PARD3: variants seen among roughly 807,000 people sequenced by gnomAD.
The protein encoded by PARD3 is par-3 family cell polarity regulator, also known as partitioning defective 3 homolog.
PARD3 carries 75 observed loss-of-function variants against 155.4 expected under a neutral mutation model. The ratio of observed to expected loss-of-function variants is 0.48; its 90% CI spans 0.40 to 0.58. PARD3 has a LOEUF of 0.58. Ranked by LOEUF, PARD3 falls within the 20% of genes least tolerant of loss-of-function variation. The pLI, the probability that PARD3 is intolerant of heterozygous loss-of-function variation, is 0.00. For missense variants in PARD3, 1,642 were observed against 1,721.7 expected (o/e 0.95, Z 0.82); for synonymous variants, 576 against 610.5 (o/e 0.94, Z 0.83).
chr10:34,701,278 C>A (rs2094271274), intron 1 of PARD3, among the ~76,000 whole-genome samples: 1 of 152,002 alleles, frequency 6.6e-6, no homozygotes, highest in African/African-American at 2.4e-5. Flanking sequence ...ATCAAAAAGA[C>A]ACACTTATTT....
intron 1 of PARD3, among the ~76,000 whole-genome samples, chr10:34,786,715 T>C (rs1005915617): frequency 2.0e-5 from 3 of 152,234 alleles, no homozygotes; most frequent in African/African-American, 2.4e-5. Flanking sequence ...TTAAGTACTC[T>C]GTAAAAAGCC....
intron 3 of PARD3, among the ~76,000 whole-genome samples, chr10:34,493,663 C>T (rs1056339511): frequency 1.2e-4 from 18 of 151,200 alleles, no homozygotes; most frequent in Admixed American, 6.6e-5. Flanking sequence ...ACCTGGGAGG[C>T]GGAGACTGCA....
intron 22 of PARD3, among the ~76,000 whole-genome samples, chr10:34,198,000 T>C (rs912572716): frequency 6.6e-6 from 1 of 152,202 alleles, no homozygotes; most frequent in Non-Finnish European, 1.5e-5. Context: ...CCTCCCAAAA[T>C]GCAGGCATGA....
intron 1 of PARD3, among the ~76,000 whole-genome samples, chr10:34,746,053 G>T (rs1268716188): frequency 4.6e-5 from 7 of 152,124 alleles, no homozygotes; most frequent in Non-Finnish European, 1.5e-5. Flanking sequence ...AGTGAGCCTA[G>T]ATCGCACCGC....
At chr10:34,132,800 G>C (rs954463104) in intron 22 of PARD3, among the ~76,000 whole-genome samples, 6 of 151,958 alleles carry the variant, frequency 3.9e-5, no homozygotes, top group Non-Finnish European at 2.9e-5. Context: ...TTGCCTTTTT[G>C]GCCCACCACG....
At chr10:34,457,342 T>C (rs907995292) in intron 4 of PARD3, among the ~76,000 whole-genome samples, 17 of 152,128 alleles carry the variant, frequency 1.1e-4, no homozygotes, top group Admixed American at 3.9e-4. Flanking sequence ...CTCAACCACA[T>C]CCAGGATGCT....
chr10:34,780,747 C>G (rs1034595821), intron 1 of PARD3, among the ~76,000 whole-genome samples: 1 of 152,178 alleles, frequency 6.6e-6, no homozygotes, highest in Admixed American at 6.5e-5. Context: ...AGCTGCCATT[C>G]AAAATTGCTG....
intron 2 of PARD3, among the ~76,000 whole-genome samples, chr10:34,550,944 C>T (rs1164166204): frequency 6.6e-6 from 1 of 152,170 alleles, no homozygotes; most frequent in African/African-American, 2.4e-5. Context: ...CTTTCAAGCA[C>T]GAGCAAGAAC....
At chr10:34,740,953 C>G (rs75571008) in intron 1 of PARD3, among the ~76,000 whole-genome samples, 1 of 151,924 alleles carries the variant, frequency 6.6e-6, no homozygotes, top group South Asian at 2.1e-4. Context: ...ATAACTAACT[C>G]GAGTTCAACT....
intron 22 of PARD3, among the ~76,000 whole-genome samples, chr10:34,256,979 C>T (rs900921973): frequency 6.6e-6 from 1 of 152,136 alleles, no homozygotes; most frequent in South Asian, 2.1e-4. Context: ...GATATCTCAA[C>T]TTGCTTGATT....
intron 3 of PARD3, among the ~76,000 whole-genome samples, chr10:34,485,049 A>C (rs554959491): frequency 2.6e-5 from 4 of 152,150 alleles, no homozygotes; most frequent in Non-Finnish European, 5.9e-5. Flanking sequence ...ATCAATTTAG[A>C]AGTTTAGGCC....
chr10:34,593,242 C>T (rs1182065412), intron 2 of PARD3, among the ~76,000 whole-genome samples: 2 of 152,174 alleles, frequency 1.3e-5, no homozygotes, highest in Admixed American at 6.5e-5. Flanking sequence ...ATAAATTCTG[C>T]ACCTGCTTGA....
At chr10:34,578,020 T>G (rs2134222039) in intron 2 of PARD3, among the ~76,000 whole-genome samples, 1 of 151,154 alleles carries the variant, frequency 6.6e-6, no homozygotes, top group South Asian at 2.1e-4. Context: ...CCTCACTACA[T>G]GCGGCTATGT....
Position 34,633,665 on chromosome 10 carries a change from T to C in PARD3, c.222+62653A>G, listed in dbSNP as rs144834800. Among the ~76,000 whole-genome samples the C allele has an allele frequency of 6.7e-3, 1,025 of 152,334 alleles. 13 individuals carry two copies. Among genetic ancestry groups the C allele is most frequent in the African/African-American group, 0.024 (981 of 41,558 alleles). ...GTGTGGAGACATCTCTTCGACATAT[T>C]GATTTCAAATCTTTCAGGTAAACAC... On this transcript the variant is annotated intron_variant, in intron 2 of 24. Coordinates refer to ENST00000374788, the MANE Select transcript of PARD3 (RefSeq NM_001184785.2).
chr10:34,502,997 T>C (rs2080818608), intron 3 of PARD3, among the ~76,000 whole-genome samples: 1 of 152,074 alleles, frequency 6.6e-6, no homozygotes, highest in Admixed American at 6.6e-5. Context: ...TTAAATGCAG[T>C]TTTATGCCTC....
chr10:34,487,640 CTT>C (rs34106630), intron 3 of PARD3, among the ~76,000 whole-genome samples: 5 of 141,972 alleles, frequency 3.5e-5, no homozygotes, highest in Non-Finnish European at 1.5e-5. Flanking sequence ...CCAGGTTTTA[CTT>C]TTTTTTTTTT....
At chr10:34,388,587 TA>T (rs1842576442) in intron 7 of PARD3, among the ~76,000 whole-genome samples, 2 of 152,218 alleles carry the variant, frequency 1.3e-5, no homozygotes, top group Non-Finnish European at 2.9e-5. Flanking sequence ...GAATTTGTTC[TA>T]AAGTAATAAA....
chr10:34,687,826 C>G (rs550234460), intron 2 of PARD3, among the ~76,000 whole-genome samples: 1 of 142,962 alleles, frequency 7.0e-6, no homozygotes, highest in Admixed American at 7.2e-5. Context: ...TCCACATGCC[C>G]GGTCAGTTAC....
At chr10:34,723,968 T>C (rs1413831558) in intron 1 of PARD3, among the ~76,000 whole-genome samples, 1 of 152,154 alleles carries the variant, frequency 6.6e-6, no homozygotes, top group Non-Finnish European at 1.5e-5. Context: ...GTTACTGATA[T>C]TAAAACCCAA....
Sources: allele counts gnomAD v4.1 joint callset (sites outside exome capture counted in the v4.1 genomes callset), GRCh38; gene constraint gnomAD v4.1.1; transcripts MANE v1.5; gene names NCBI Gene and HGNC (gene_info 2026-07-23, HGNC 2026-07-21).